Variants in DNAAF10 observed in about 807,000 individuals in gnomAD.
DNAAF10 encodes WD repeat domain 92.
DNAAF10 carries 28 observed loss-of-function variants against 43.7 expected under a neutral mutation model. The ratio of observed to expected loss-of-function variants is 0.64; its 90% CI spans 0.48 to 0.88. DNAAF10 has a LOEUF of 0.88. Among genes scored for constraint, DNAAF10 ranks in the 40% least tolerant of loss-of-function variants. The pLI, the probability that DNAAF10 is intolerant of heterozygous loss-of-function variation, is 0.00. For synonymous variants in DNAAF10, 156 were observed against 157.3 expected (o/e 0.99, Z 0.06); for missense variants, 403 against 439.1 (o/e 0.92, Z 0.73).
intron 4 of DNAAF10, among the ~76,000 whole-genome samples, chr2:68,139,774 A>T (rs952396385): frequency 2.6e-5 from 4 of 151,802 alleles, no homozygotes; most frequent in African/African-American, 9.7e-5. Flanking sequence ...AATGCACTCC[A>T]GCCTGGGCAA....
intron 7 of DNAAF10, among the ~76,000 whole-genome samples, chr2:68,133,397 G>A (rs1330378578): frequency 1.3e-5 from 2 of 151,964 alleles, no homozygotes; most frequent in Non-Finnish European, 2.9e-5. Flanking sequence ...CACCACGCCC[G>A]GCTAGTTCTT....
chr2:68,135,765 C>CA (rs1195241518), intron 6 of DNAAF10, among the ~76,000 whole-genome samples: 3 of 152,206 alleles, frequency 2.0e-5, no homozygotes, highest in Admixed American at 1.3e-4. Context: ...TGATTAGGTT[C>CA]AAGCTGTCGA....
At chr2:68,151,902 T>C (rs2103636427) in intron 1 of DNAAF10, among the ~76,000 whole-genome samples, 1 of 152,350 alleles carries the variant, frequency 6.6e-6, no homozygotes, top group Non-Finnish European at 1.5e-5. Flanking sequence ...ACTTTCAAGA[T>C]GACGAAACAG....
At position 68,157,274 on chromosome 2, in the gene DNAAF10, T is replaced by C. The variant is rs1394262456; in HGVS notation, c.170A>G (p.Lys57Arg). 1.2e-6 allele frequency: 2 copies of C among 1,613,588 alleles called. No homozygotes were observed. Among genetic ancestry groups the C allele is most frequent in the Non-Finnish European group, 1.7e-6 (2 of 1,179,784 alleles). The change falls in exon 1 of 8, where the codon AAG (lysine) becomes AGG (arginine). Residue 57 changes from lysine to arginine, a missense_variant. Physicochemically the swap from Lys to Arg is conservative, Grantham distance 26. Coordinates refer to ENST00000295121, the MANE Select transcript of DNAAF10 (RefSeq NM_138458.4). ...CCCGGCACCCACCTCCCGAAGCAGC[T>C]TCAGGTCCCCGTGCTGGATCTCGTA... ...QLYEIQHGDL[K>R]LLREIEKAKP...
chr2:68,139,622 A>G (rs1321736924), intron 4 of DNAAF10, among the ~76,000 whole-genome samples: 1 of 135,432 alleles, frequency 7.4e-6, no homozygotes, highest in Non-Finnish European at 1.6e-5. Flanking sequence ...TGTCTCTACT[A>G]AAAAAAAAAA....
In DNAAF10 at chr2:68,157,294, C is replaced by G; in HGVS notation, c.150G>C (p.Glu50Asp). 1 of 1,614,072 alleles carries G rather than the reference C, an allele frequency of 6.2e-7. No homozygotes were observed. The highest frequency in any genetic ancestry group is 8.5e-7 in the Non-Finnish European group (1 of 1,179,974). Residue 50 changes from glutamate to aspartate, a missense_variant, in exon 1 of 8, where the codon GAG (glutamate) becomes GAC (aspartate). Transcript: ENST00000295121. Reference protein sequence around the residue: ...ARGTGVIQLYEIQHGDLKLLR... With the variant: ...ARGTGVIQLYDIQHGDLKLLR... ...GCAGCTTCAGGTCCCCGTGCTGGATCTCGTACAGCTGAATGACGCCGGTGC... is the reference window on the plus strand; with the variant it reads ...GCAGCTTCAGGTCCCCGTGCTGGATGTCGTACAGCTGAATGACGCCGGTGC...
intron 1 of DNAAF10, among the ~76,000 whole-genome samples, chr2:68,153,601 A>G (rs1673508659): frequency 6.6e-6 from 1 of 152,060 alleles, no homozygotes; most frequent in Admixed American, 6.5e-5. Context: ...CCAAGGCACA[A>G]ATGTTTTAAA....
At chr2:68,142,939 T>C (rs1673224426) in intron 3 of DNAAF10, among the ~76,000 whole-genome samples, 1 of 152,124 alleles carries the variant, frequency 6.6e-6, no homozygotes, top group Non-Finnish European at 1.5e-5. Context: ...CAGGATGGAG[T>C]GCAGTCGTGC....
rs1672904426 is a variant in DNAAF10 at position 68,130,334 on chromosome 2, G to T, written c.*904C>A. On this transcript the variant is annotated 3_prime_UTR_variant, in exon 8 of 8. Coordinates refer to ENST00000295121, the MANE Select transcript of DNAAF10 (RefSeq NM_138458.4). ...TTTAGTAGAGACGGGTTTTGACCAT[G>T]TTGGCCAGGCTGGTCTCGAATTCCT... The T allele has an allele frequency of 1.3e-5, 2 of 151,678 alleles. No individual in the cohort carries two copies. Among genetic ancestry groups the T allele is most frequent in the South Asian group, 4.2e-4 (2 of 4,798 alleles). The allele number at this position is 151,678 out of a possible 1,614,324, so 9.4% of individuals were successfully genotyped here.
At chr2:68,155,717 A>G (rs1363362630) in intron 1 of DNAAF10, among the ~76,000 whole-genome samples, 2 of 151,822 alleles carry the variant, frequency 1.3e-5, no homozygotes, top group African/African-American at 4.8e-5. Context: ...AACAAAAACA[A>G]CCCAAAATGC....
At chr2:68,138,946 C>T in intron 4 of DNAAF10, 89 bp from the exon 5 acceptor site, 1 of 897,244 alleles carries the variant, frequency 1.1e-6, no homozygotes, top group Non-Finnish European at 1.8e-6. Context: ...TAACATAAAA[C>T]TTATATTAAA....
intron 2 of DNAAF10, among the ~76,000 whole-genome samples, chr2:68,145,565 A>C (rs1673297067): frequency 6.6e-6 from 1 of 152,168 alleles, no homozygotes; most frequent in Non-Finnish European, 1.5e-5. Context: ...CTTTGTACAC[A>C]TTTCTTCCTT....
chr2:68,140,937 G>A (rs1455109477), intron 4 of DNAAF10, among the ~76,000 whole-genome samples: 2 of 152,074 alleles, frequency 1.3e-5, no homozygotes, highest in Non-Finnish European at 2.9e-5. Flanking sequence ...ATTATATTAG[G>A]TATTATAAGT....
At chr2:68,134,297 T>C (rs1212605906) in intron 7 of DNAAF10, 1 of 1,015,822 alleles carries the variant, frequency 9.8e-7, no homozygotes. Flanking sequence ...ATAAGATCTT[T>C]CCTGGAGACC....
At chr2:68,147,618 T>A in intron 1 of DNAAF10, 51 bp from the exon 2 acceptor site, 7 of 1,324,830 alleles carry the variant, frequency 5.3e-6, no homozygotes, top group African/African-American at 1.5e-5. Context: ...AGCAGATATT[T>A]ATAATCTATT....
chr2:68,141,089 C>T (rs1558608925), intron 4 of DNAAF10, among the ~76,000 whole-genome samples: 1 of 152,118 alleles, frequency 6.6e-6, no homozygotes, highest in Non-Finnish European at 1.5e-5. Context: ...GGACATAGAT[C>T]CAAACCATAT....
chr2:68,143,905 C>T (rs1198663556), intron 3 of DNAAF10, among the ~76,000 whole-genome samples: 1 of 152,132 alleles, frequency 6.6e-6, no homozygotes, highest in Non-Finnish European at 1.5e-5. Flanking sequence ...CTCTTGAGTA[C>T]CCACTAGAAA....
At chr2:68,144,055 T>A (rs1328080641) in intron 3 of DNAAF10, among the ~76,000 whole-genome samples, 1 of 152,184 alleles carries the variant, frequency 6.6e-6, no homozygotes, top group Non-Finnish European at 1.5e-5. Flanking sequence ...TCTATTAAAG[T>A]CATGCAGTAC....
chr2:68,140,847 A>G (rs976620084), intron 4 of DNAAF10, among the ~76,000 whole-genome samples: 1 of 152,194 alleles, frequency 6.6e-6, no homozygotes, highest in Admixed American at 6.5e-5. Context: ...AAAAATTTGC[A>G]TCTACACTAA....
Sources: allele counts gnomAD v4.1 joint callset (sites outside exome capture counted in the v4.1 genomes callset), GRCh38; gene constraint gnomAD v4.1.1; transcripts MANE v1.5; gene names NCBI Gene and HGNC (gene_info 2026-07-23, HGNC 2026-07-21).